The following R3HCC1L variants were observed in gnomAD, a reference collection of about 807,000 sequenced individuals.
R3HCC1L encodes R3H domain and coiled-coil containing 1 like.
Under a neutral mutation model 59.9 loss-of-function variants are expected in R3HCC1L, and 51 were observed. That is an observed-to-expected ratio of 0.85 (90% confidence interval 0.68 to 1.07). R3HCC1L has a LOEUF of 1.07. Among genes scored for constraint, R3HCC1L ranks in the 50% least tolerant of loss-of-function variants. The probability of loss-of-function intolerance (pLI) is 0.00; values close to 1 mark genes in which losing one functional copy is unlikely to be tolerated. For missense variants in R3HCC1L, 965 were observed against 933.0 expected (o/e 1.03, Z -0.45); for synonymous variants, 322 against 315.2 (o/e 1.02, Z -0.23).
chr10:98,235,607 G>T (rs1472196259), intron 8 of R3HCC1L, 87 bp downstream of exon 8: 1 of 952,424 alleles, frequency 1.0e-6, no homozygotes. Context: ...GACATCTAAA[G>T]ACATATCACT....
Position 98,209,339 on chromosome 10 carries a change from AC to A in R3HCC1L, c.1226del (p.Thr409AsnfsTer8). The A allele has an allele frequency of 6.2e-7, 1 of 1,614,044 alleles. No individual in the cohort carries two copies. The highest frequency in any genetic ancestry group is 8.5e-7 in the Non-Finnish European group (1 of 1,179,986). On this transcript the variant is annotated frameshift_variant, in exon 5 of 10. Transcript: ENST00000298999. LOFTEE classifies it high-confidence loss of function. ...AATAGCTGATGAGACCTCTATTAAT[AC>A]ACGAAGTTTCTCAAAGTTTGTAGGA... ...VRIADETSINTRSFSKFVGMS... is the reference protein window; with the variant it reads ...VRIADETSINXRSFSKFVGMS...
At chr10:98,190,601 G>C (rs1336376437) in intron 4 of R3HCC1L, among the ~76,000 whole-genome samples, 1 of 152,114 alleles carries the variant, frequency 6.6e-6, no homozygotes, top group Non-Finnish European at 1.5e-5. Context: ...AAGTGAAGAA[G>C]AATTCTAGAT....
rs58486270 is a variant in R3HCC1L at position 98,211,265 on chromosome 10, A to C, written c.1785+1366A>C. 5.6e-3 allele frequency: 7,215 copies of C among 1,297,452 alleles called. 234 individuals carry two copies. The African/African-American group carries it at 0.081, about 14-fold the overall frequency. 80.4% of individuals were successfully genotyped at this position (1,297,452 alleles called of 1,614,324 possible). ...CACCTAGGAACTTGTTAGAAATTCA[A>C]ATTATTTAGCCCAGCAAACTGTCTA... On this transcript the variant is annotated intron_variant, in intron 5 of 9. Transcript: ENST00000298999.
intron 4 of R3HCC1L, among the ~76,000 whole-genome samples, chr10:98,198,240 C>T (rs999138880): frequency 6.6e-6 from 1 of 151,852 alleles, no homozygotes; most frequent in Non-Finnish European, 1.5e-5. Context: ...GTATAATTAT[C>T]TTAGTGCCCA....
chr10:98,172,269 C>T (rs528073957), intron 4 of R3HCC1L, among the ~76,000 whole-genome samples: 13 of 152,182 alleles, frequency 8.5e-5, no homozygotes, highest in Non-Finnish European at 1.6e-4. Context: ...AAAAATTTGG[C>T]AGGCAAACTA....
chr10:98,187,129 AGTTT>A (rs2134725051), intron 4 of R3HCC1L, among the ~76,000 whole-genome samples: 1 of 152,276 alleles, frequency 6.6e-6, no homozygotes, highest in African/African-American at 2.4e-5. Context: ...TGCCATGTAC[AGTTT>A]GTTAAATCCA....
intron 9 of R3HCC1L, among the ~76,000 whole-genome samples, chr10:98,240,391 C>G (rs1187456712): frequency 6.6e-6 from 1 of 152,218 alleles, no homozygotes; most frequent in East Asian, 1.9e-4. Flanking sequence ...ATTTGATTCC[C>G]ACCTAAAACT....
chr10:98,212,790 A>G (rs1853736053), intron 5 of R3HCC1L, among the ~76,000 whole-genome samples: 1 of 152,194 alleles, frequency 6.6e-6, no homozygotes, highest in Non-Finnish European at 1.5e-5. Context: ...ATGTTGATAG[A>G]TACCAGCATT....
Position 98,146,778 on chromosome 10 carries a change from C to T in R3HCC1L, c.-267-9315C>T, listed in dbSNP as rs56256341. ...AATAATATTCCACTGTGTATATGTA[C>T]CACTTTTTCTTCTTACATGTATCTA... On this transcript the variant is annotated intron_variant, in intron 1 of 9. Transcript: ENST00000298999. Among the ~76,000 whole-genome samples the T allele has an allele frequency of 2.3e-3, 353 of 152,270 alleles. 2 individuals are homozygous for T. Among genetic ancestry groups the T allele is most frequent in the Middle Eastern group, 3.4e-3 (1 of 294 alleles).
chr10:98,234,641 A>G, intron 7 of R3HCC1L, 125 bp downstream of exon 7: 3 of 981,052 alleles, frequency 3.1e-6, no homozygotes, highest in Non-Finnish European at 4.6e-6. Context: ...TAGGGCAGTT[A>G]GTGGTTTTTT....
chr10:98,227,753 C>T (rs1264637420), intron 5 of R3HCC1L, among the ~76,000 whole-genome samples: 1 of 151,348 alleles, frequency 6.6e-6, no homozygotes, highest in East Asian at 1.9e-4. Context: ...CACAACAGGC[C>T]CCAGTGTGTG....
intron 5 of R3HCC1L, among the ~76,000 whole-genome samples, chr10:98,217,830 A>G (rs1382531197): frequency 2.0e-5 from 3 of 151,170 alleles, no homozygotes; most frequent in South Asian, 2.1e-4. Flanking sequence ...CTAGTGTGCT[A>G]TTGGTGTACA....
chr10:98,204,442 G>A (rs1852405939), intron 4 of R3HCC1L, among the ~76,000 whole-genome samples: 1 of 152,164 alleles, frequency 6.6e-6, no homozygotes, highest in African/African-American at 2.4e-5. Flanking sequence ...AGTGCTATTA[G>A]TAAATAGCAA....
chr10:98,180,539 A>T (rs1236055205), intron 4 of R3HCC1L, among the ~76,000 whole-genome samples: 1 of 151,960 alleles, frequency 6.6e-6, no homozygotes, highest in Non-Finnish European at 1.5e-5. Context: ...TATTCCGTTG[A>T]TTGATTTGGG....
intron 9 of R3HCC1L, among the ~76,000 whole-genome samples, chr10:98,240,652 A>C (rs1467653488): frequency 6.6e-6 from 1 of 152,266 alleles, no homozygotes; most frequent in Non-Finnish European, 1.5e-5. Flanking sequence ...ATTTAATCAC[A>C]GTTCATACCT....
intron 4 of R3HCC1L, among the ~76,000 whole-genome samples, chr10:98,197,735 A>T (rs1851596671): frequency 6.6e-6 from 1 of 152,260 alleles, no homozygotes; most frequent in Admixed American, 6.5e-5. Context: ...AGAGAGGCAG[A>T]TGTGCAAACA....
chr10:98,235,409 T>G lies in R3HCC1L; in HGVS notation c.2033-16T>G. ...TCTACTTCATGTCTTCTGCTTCCTTTTATTCCTCTTTGCAGCTCGTGATGC... is the reference window on the plus strand; with the variant it reads ...TCTACTTCATGTCTTCTGCTTCCTTGTATTCCTCTTTGCAGCTCGTGATGC... On this transcript the variant is annotated splice_polypyrimidine_tract_variant and intron_variant, in intron 7 of 9. Transcript: ENST00000298999. The G allele has an allele frequency of 6.2e-7, 1 of 1,606,974 alleles. No individual in the cohort carries two copies. The highest frequency in any genetic ancestry group is 8.5e-7 in the Non-Finnish European group (1 of 1,173,936).
At chr10:98,206,763 A>G (rs1048200678) in intron 4 of R3HCC1L, among the ~76,000 whole-genome samples, 1 of 152,186 alleles carries the variant, frequency 6.6e-6, no homozygotes, top group Non-Finnish European at 1.5e-5. Flanking sequence ...ATCCCTTTCT[A>G]TGAAACACAC....
Position 98,209,372 on chromosome 10 carries a change from G to A in R3HCC1L, c.1258G>A (p.Ala420Thr). 1 of 1,613,972 alleles carries A rather than the reference G, an allele frequency of 6.2e-7. No homozygotes were observed. The highest frequency in any genetic ancestry group is 8.5e-7 in the Non-Finnish European group (1 of 1,179,996). ...RSFSKFVGMSADATPLHVARS... is the reference protein window; with the variant it reads ...RSFSKFVGMSTDATPLHVARS... The stretch of plus-strand genomic sequence containing the variant: ...TTTCTCAAAGTTTGTAGGAATGAGT[G>A]CAGATGCAACCCCTCTTCATGTAGC... The change falls in exon 5 of 10, where the codon GCA becomes ACA. Residue 420 changes from alanine (A) to threonine (T), a missense_variant. Ala to Thr is a moderately conservative substitution (Grantham distance 58). Transcript: ENST00000298999.
Sources: allele counts gnomAD v4.1 joint callset (sites outside exome capture counted in the v4.1 genomes callset), GRCh38; gene constraint gnomAD v4.1.1; transcripts MANE v1.5; gene names NCBI Gene and HGNC (gene_info 2026-07-23, HGNC 2026-07-21).